ARHGEF26: variants seen among roughly 807,000 people sequenced by gnomAD.
ARHGEF26 encodes the protein Rho guanine nucleotide exchange factor (GEF) 26.
In ARHGEF26, 59 loss-of-function variants were observed where a neutral mutation model predicts 89.4. That is an observed-to-expected ratio of 0.66 (90% CI 0.54 to 0.82). ARHGEF26 has a LOEUF of 0.82. Ranked by LOEUF, ARHGEF26 falls within the 40% of genes least tolerant of loss-of-function variation. The pLI is 0.00. For missense variants in ARHGEF26, 1,234 were observed against 1,085.6 expected, an observed-to-expected ratio of 1.14 and a Z score of -1.92; for synonymous variants, 500 against 428.4, an observed-to-expected ratio of 1.17 and a Z score of -2.06.
At chr3:154,155,095 A>AT (rs1244988792) in intron 6 of ARHGEF26, among the ~76,000 whole-genome samples, 3 of 151,730 alleles carry the variant, frequency 2.0e-5, no homozygotes, top group East Asian at 1.9e-4. Flanking sequence ...AAACCTTTAG[A>AT]TTTTTGTCAT....
At chr3:154,218,477 A>G (rs1211114477) in intron 10 of ARHGEF26, among the ~76,000 whole-genome samples, 1 of 152,198 alleles carries the variant, frequency 6.6e-6, no homozygotes, top group Non-Finnish European at 1.5e-5. Context: ...TCTTGAGCAG[A>G]TGACAAGATG....
intron 9 of ARHGEF26, among the ~76,000 whole-genome samples, chr3:154,204,768 T>G (rs1010585360): frequency 6.6e-6 from 1 of 152,222 alleles, no homozygotes; most frequent in Non-Finnish European, 1.5e-5. Flanking sequence ...CTTAATTTTT[T>G]CTTTAACCTA....
intron 11 of ARHGEF26, 37 bp from the exon 12 acceptor site, chr3:154,240,333 T>A (rs768245571): frequency 6.6e-7 from 1 of 1,506,152 alleles, no homozygotes; most frequent in Admixed American, 1.9e-5. Flanking sequence ...TCTTATCTGC[T>A]GAATAATTGA....
intron 7 of ARHGEF26, among the ~76,000 whole-genome samples, chr3:154,188,676 C>T (rs1713746770): frequency 1.3e-5 from 2 of 152,122 alleles, no homozygotes; most frequent in South Asian, 2.1e-4. Flanking sequence ...CATGGAGCTT[C>T]GGTCAACTTC....
intron 2 of ARHGEF26, 27 bp downstream of exon 2, chr3:154,123,102 C>T (rs1718099690): frequency 6.2e-7 from 1 of 1,610,130 alleles, no homozygotes; most frequent in Non-Finnish European, 8.5e-7. Flanking sequence ...GTGTGGCACG[C>T]CATTCACTAA....
intron 9 of ARHGEF26, among the ~76,000 whole-genome samples, chr3:154,203,260 T>C (rs1381995436): frequency 6.6e-6 from 1 of 152,206 alleles, no homozygotes; most frequent in Non-Finnish European, 1.5e-5. Context: ...AGAAATCATA[T>C]GGTTTTTGTC....
At chr3:154,194,836 G>A (rs371047504) in intron 9 of ARHGEF26, 118 bp downstream of exon 9, 23 of 803,062 alleles carry the variant, frequency 2.9e-5, no homozygotes, top group Non-Finnish European at 3.6e-5. Flanking sequence ...TTTGTACAGC[G>A]TTCTTTAGGT....
chr3:154,156,395 AAG>A (rs1242345890), intron 6 of ARHGEF26, among the ~76,000 whole-genome samples: 2 of 152,152 alleles, frequency 1.3e-5, no homozygotes, highest in Non-Finnish European at 2.9e-5. Flanking sequence ...TTATTTAAAA[AAG>A]AAAACAGATA....
At chr3:154,165,415 A>G (rs988036232) in intron 6 of ARHGEF26, among the ~76,000 whole-genome samples, 2 of 152,178 alleles carry the variant, frequency 1.3e-5, no homozygotes, top group Admixed American at 6.6e-5. Flanking sequence ...ACCTTTTCCA[A>G]CTTAGAATGG....
intron 9 of ARHGEF26, among the ~76,000 whole-genome samples, chr3:154,204,555 C>T (rs1225841738): frequency 5.3e-5 from 8 of 151,870 alleles, no homozygotes; most frequent in African/African-American, 1.9e-4. Context: ...ATCTCGATCT[C>T]CTGGTCTCCA....
rs1713906276 is a variant in ARHGEF26, at chr3:154,190,741, C to G, written c.1641-548C>G. On this transcript the variant is annotated intron_variant, in intron 7 of 14. Coordinates refer to ENST00000465093, the MANE Select transcript of ARHGEF26 (RefSeq NM_015595.4). The stretch of plus-strand genomic sequence containing the variant: ...AGCATTAATACTTTTCTTGCATTAA[C>G]AGGAGAAAAAGAGGAATATTTCGAC... 3.9e-5 allele frequency among the ~76,000 whole-genome samples: 6 copies of G among 152,238 alleles called. No homozygotes were observed. In the South Asian group the frequency reaches 1.2e-3, roughly 32 times the overall value.
chr3:154,225,183 A>G (rs1289312300), intron 10 of ARHGEF26, among the ~76,000 whole-genome samples: 1 of 152,190 alleles, frequency 6.6e-6, no homozygotes, highest in African/African-American at 2.4e-5. Context: ...AGCCTTTTCT[A>G]TGATATTATA....
chr3:154,149,330 C>T, intron 4 of ARHGEF26, 59 bp from the exon 5 acceptor site: 1 of 1,405,794 alleles, frequency 7.1e-7, no homozygotes. Context: ...TTGAATAATG[C>T]CCTTGAAACT....
rs1181576540 is a variant in ARHGEF26, at chr3:154,256,997, T to C, written c.*1524T>C. ...TGTTCTATTTGCTTTAACAAAGGGATAAAACCTGGCAAAGTGTACATTATT... is the reference window on the plus strand; with the variant it reads ...TGTTCTATTTGCTTTAACAAAGGGACAAAACCTGGCAAAGTGTACATTATT... On this transcript the variant is annotated 3_prime_UTR_variant, in exon 15 of 15. Coordinates refer to ENST00000465093, the MANE Select transcript of ARHGEF26 (RefSeq NM_015595.4). 6.6e-7 allele frequency: 1 copy of C among 1,513,950 alleles called. No individual in the cohort carries two copies. 93.8% of individuals were successfully genotyped at this position (1,513,950 alleles called of 1,614,324 possible).
intron 9 of ARHGEF26, among the ~76,000 whole-genome samples, chr3:154,203,723 A>G (rs34913864): frequency 8.3e-4 from 127 of 152,176 alleles, no homozygotes; most frequent in Middle Eastern, 6.8e-3. Flanking sequence ...CTTTTTCTGC[A>G]CAATTGAAAT....
chr3:154,133,746 C>G (rs7647694), intron 4 of ARHGEF26, among the ~76,000 whole-genome samples: 138,428 of 152,156 alleles, frequency 0.91, 63,188 homozygotes, highest in East Asian at 1. Context: ...AATCTCAATG[C>G]TAGTTTAGTA....
chr3:154,257,149 C>T lies in ARHGEF26; in HGVS notation c.*1676C>T. On this transcript the variant is annotated 3_prime_UTR_variant, in exon 15 of 15. Coordinates refer to ENST00000465093, the MANE Select transcript of ARHGEF26 (RefSeq NM_015595.4). The stretch of plus-strand genomic sequence containing the variant: ...GGCTCACACAGCCTGCACCCTGTCA[C>T]CTCGGCAATGAGCCAGTGTGGGGCA... 1.4e-6 allele frequency: 1 copy of T among 698,882 alleles called. No individual in the cohort carries two copies. Among genetic ancestry groups the T allele is most frequent in the Admixed American group, 3.6e-5 (1 of 28,058 alleles). 43.3% of individuals were successfully genotyped at this position (698,882 alleles called of 1,614,324 possible).
At chr3:154,229,172 T>G (rs1412434930) in intron 11 of ARHGEF26, among the ~76,000 whole-genome samples, 3 of 152,176 alleles carry the variant, frequency 2.0e-5, no homozygotes, top group African/African-American at 7.2e-5. Flanking sequence ...TTTCACTTTT[T>G]TAGAACATTA....
chr3:154,234,094 G>C (rs1392621300), intron 11 of ARHGEF26, among the ~76,000 whole-genome samples: 1 of 152,154 alleles, frequency 6.6e-6, no homozygotes, highest in Non-Finnish European at 1.5e-5. Context: ...AGTGCTGCTT[G>C]GGTTTCCATC....
Sources: allele counts gnomAD v4.1 joint callset (sites outside exome capture counted in the v4.1 genomes callset), GRCh38; gene constraint gnomAD v4.1.1; transcripts MANE v1.5; gene names NCBI Gene and HGNC (gene_info 2026-07-23, HGNC 2026-07-21).